The following NRG3 variants were observed in gnomAD, a reference collection of about 807,000 sequenced individuals.
NRG3 encodes neuregulin 3.
A neutral mutation model predicts 66.9 loss-of-function variants in NRG3; 31 were observed. The observed-to-expected ratio is 0.46, with a 90% CI of 0.35 to 0.63. The LOEUF (loss-of-function observed/expected upper bound fraction) is 0.63. Ranked by LOEUF, NRG3 falls within the 20% of genes least tolerant of loss-of-function variation. The probability of loss-of-function intolerance (pLI) is 0.00; values close to 1 mark genes in which losing one functional copy is unlikely to be tolerated. For synonymous variants in NRG3, 393 were observed against 359.4 expected, an observed-to-expected ratio of 1.09 and a Z score of -1.06; for missense variants, 910 against 878.9, an observed-to-expected ratio of 1.04 and a Z score of -0.45.
chr10:82,258,490 G>C (rs926878143), intron 1 of NRG3, among the ~76,000 whole-genome samples: 13 of 152,272 alleles, frequency 8.5e-5, no homozygotes, highest in Non-Finnish European at 1.8e-4. Context: ...CATCCTTGTT[G>C]TATCTATCAT....
intron 1 of NRG3, among the ~76,000 whole-genome samples, chr10:82,274,962 C>T (rs2078769938): frequency 6.6e-6 from 1 of 152,050 alleles, no homozygotes; most frequent in African/African-American, 2.4e-5. Context: ...TCTGCTTCCT[C>T]TCTCTGAACT....
intron 3 of NRG3, among the ~76,000 whole-genome samples, chr10:82,826,261 G>A (rs1256875380): frequency 1.3e-5 from 2 of 152,136 alleles, no homozygotes; most frequent in African/African-American, 4.8e-5. Flanking sequence ...TGGGGTAATT[G>A]GCCCCAGGTT....
intron 1 of NRG3, among the ~76,000 whole-genome samples, chr10:81,957,210 A>G (rs2133241948): frequency 6.6e-6 from 1 of 152,304 alleles, no homozygotes; most frequent in East Asian, 1.9e-4. Context: ...AAAGCTGTCC[A>G]TCAACCAGGA....
At chr10:82,158,505 TATG>T (rs2071344038) in intron 1 of NRG3, among the ~76,000 whole-genome samples, 1 of 151,814 alleles carries the variant, frequency 6.6e-6, no homozygotes, top group African/African-American at 2.4e-5. Context: ...GAGAAGTGTT[TATG>T]ATGTTAAAAT....
At chr10:82,163,147 G>T (rs1226585097) in intron 1 of NRG3, among the ~76,000 whole-genome samples, 22 of 152,052 alleles carry the variant, frequency 1.4e-4, no homozygotes, top group Non-Finnish European at 2.4e-4. Context: ...AACCTATGGA[G>T]TCTTCCAAAT....
intron 1 of NRG3, among the ~76,000 whole-genome samples, chr10:81,936,834 G>A (rs1179387988): frequency 6.6e-6 from 1 of 151,994 alleles, no homozygotes; most frequent in Non-Finnish European, 1.5e-5. Flanking sequence ...TGTAAATTGT[G>A]TTTAAAAAAT....
At chr10:82,019,806 T>C (rs1050605727) in intron 1 of NRG3, among the ~76,000 whole-genome samples, 1 of 152,182 alleles carries the variant, frequency 6.6e-6, no homozygotes, top group South Asian at 2.1e-4. Context: ...TTTTTTATTG[T>C]GTCTATTTGA....
At chr10:82,842,463 A>G (rs1285120204) in intron 3 of NRG3, among the ~76,000 whole-genome samples, 3 of 152,200 alleles carry the variant, frequency 2.0e-5, no homozygotes, top group African/African-American at 7.2e-5. Flanking sequence ...GTCAGAACTC[A>G]GAAACTTGGC....
At chr10:82,288,715 A>G (rs2079558452) in intron 1 of NRG3, among the ~76,000 whole-genome samples, 1 of 152,174 alleles carries the variant, frequency 6.6e-6, no homozygotes, top group Non-Finnish European at 1.5e-5. Flanking sequence ...AATGACACTG[A>G]CTCAATGGTT....
At chr10:81,939,400 T>TTTG (rs1473897724) in intron 1 of NRG3, among the ~76,000 whole-genome samples, 1 of 151,962 alleles carries the variant, frequency 6.6e-6, no homozygotes. Context: ...GTCTTGGGCT[T>TTTG]TTGTTGTTGT....
chr10:82,626,277 A>G (rs1360257645), intron 2 of NRG3, among the ~76,000 whole-genome samples: 1 of 152,180 alleles, frequency 6.6e-6, no homozygotes, highest in East Asian at 1.9e-4. Flanking sequence ...TGTTGAGGTT[A>G]TGAGAACAAT....
chr10:81,919,508 T>TTCATCA (rs3061972), intron 1 of NRG3, among the ~76,000 whole-genome samples: 2 of 151,776 alleles, frequency 1.3e-5, no homozygotes, highest in African/African-American at 2.4e-5. Context: ...TTTCATTAAC[T>TTCATCA]TCATCATCAT....
chr10:82,274,232 T>C (rs1263726632), intron 1 of NRG3, among the ~76,000 whole-genome samples: 3 of 152,046 alleles, frequency 2.0e-5, no homozygotes, highest in Admixed American at 6.6e-5. Context: ...TGCAAATGAA[T>C]GTGAAAAAAT....
intron 1 of NRG3, among the ~76,000 whole-genome samples, chr10:82,053,494 G>T (rs1444748958): frequency 6.6e-6 from 1 of 152,148 alleles, no homozygotes; most frequent in African/African-American, 2.4e-5. Flanking sequence ...AAGACACTCA[G>T]ATCAGTTTCA....
At chr10:82,033,257 G>A (rs559027926) in intron 1 of NRG3, among the ~76,000 whole-genome samples, 25 of 152,264 alleles carry the variant, frequency 1.6e-4, no homozygotes, top group South Asian at 8.3e-4. Context: ...TCAATGCAAG[G>A]TTGGAATGAG....
chr10:82,037,832 A>C (rs1386690910), intron 1 of NRG3, among the ~76,000 whole-genome samples: 1 of 152,048 alleles, frequency 6.6e-6, no homozygotes, highest in African/African-American at 2.4e-5. Context: ...AGAATTTGGC[A>C]AACTGGGGAC....
chr10:82,680,172 T>G (rs1346186185), intron 2 of NRG3, among the ~76,000 whole-genome samples: 2 of 152,194 alleles, frequency 1.3e-5, no homozygotes, highest in East Asian at 3.9e-4. Flanking sequence ...GTACTATTGT[T>G]GCAATCATAG....
chr10:82,224,537 T>A (rs765521377), intron 1 of NRG3, among the ~76,000 whole-genome samples: 6 of 152,286 alleles, frequency 3.9e-5, no homozygotes, highest in Middle Eastern at 3.4e-3. Flanking sequence ...CCAGCACAAT[T>A]CTTTTAAGTA....
intron 2 of NRG3, among the ~76,000 whole-genome samples, chr10:82,479,295 C>T (rs954238740): frequency 3.9e-5 from 6 of 151,930 alleles, no homozygotes; most frequent in African/African-American, 1.2e-4. Flanking sequence ...TTGGTACATA[C>T]GTATATTTAT....
Sources: allele counts gnomAD v4.1 joint callset (sites outside exome capture counted in the v4.1 genomes callset), GRCh38; gene constraint gnomAD v4.1.1; transcripts MANE v1.5; gene names NCBI Gene and HGNC (gene_info 2026-07-23, HGNC 2026-07-21).